Variants in USP36 observed in about 807,000 individuals in gnomAD.
The protein encoded by USP36 is ubiquitin carboxyl-terminal hydrolase 36.
USP36 carries 59 observed loss-of-function variants against 111.5 expected under a neutral mutation model. The ratio of observed to expected loss-of-function variants is 0.53; its 90% CI spans 0.43 to 0.66. The LOEUF (loss-of-function observed/expected upper bound fraction) is 0.66. Among genes scored for constraint, USP36 ranks in the 30% least tolerant of loss-of-function variants. USP36 has a pLI of 0.00. For synonymous variants in USP36, 628 were observed against 581.0 expected, an observed-to-expected ratio of 1.08 and a Z score of -1.16; for missense variants, 1,488 against 1,468.0, an observed-to-expected ratio of 1.01 and a Z score of -0.22.
intron 11 of USP36, 83 bp from the exon 12 acceptor site, chr17:78,813,956 ATC>A: frequency 7.6e-6 from 9 of 1,180,178 alleles, no homozygotes; most frequent in Non-Finnish European, 1.1e-5. Context: ...GGAATAAAAA[ATC>A]TGTTAGTTGC....
intron 9 of USP36, 61 bp downstream of exon 9, chr17:78,819,869 G>T: frequency 6.4e-7 from 1 of 1,555,718 alleles, no homozygotes. Flanking sequence ...AACACTGTCA[G>T]GTGAGGGGAC....
At chr17:78,813,675 C>T (rs2094119289) in intron 12 of USP36, 98 bp downstream of exon 12, 2 of 1,067,882 alleles carry the variant, frequency 1.9e-6, no homozygotes, top group Admixed American at 4.2e-5. Context: ...CAGTGGAATT[C>T]CCAATTACCT....
At chr17:78,791,129 CT>C (rs10522788), downstream of USP36, among the ~76,000 whole-genome samples, 6,303 of 120,966 alleles carry the variant, frequency 0.052, 383 homozygotes, top group African/African-American at 0.17. Flanking sequence ...ATCTGGCCTT[CT>C]TTTTTTTTTT....
chr17:78,790,956 T>C (rs961832845), downstream of USP36, among the ~76,000 whole-genome samples: 8 of 152,090 alleles, frequency 5.3e-5, no homozygotes, highest in African/African-American at 1.9e-4. Flanking sequence ...AATGAAGCAG[T>C]AAGGGAGAAA....
intron 4 of USP36, among the ~76,000 whole-genome samples, chr17:78,832,693 A>C (rs2068256108): frequency 6.6e-6 from 1 of 152,226 alleles, no homozygotes; most frequent in South Asian, 2.1e-4. Context: ...GCAGCTCTAC[A>C]GTGGAAGAGC....
intron 15 of USP36, among the ~76,000 whole-genome samples, chr17:78,804,461 A>G (rs2093838080): frequency 7.2e-6 from 1 of 138,656 alleles, no homozygotes; most frequent in Non-Finnish European, 1.5e-5. Context: ...CTCCGTCTCA[A>G]AAAAAAAAAA....
Position 78,836,224 on chromosome 17 carries a change from T to C in USP36, c.140A>G (p.Lys47Arg). ...LQKIEFEPAS[K>R]SFSYQLEALK... is the part of the protein sequence containing the mutation. ...GGCCTCCAGCTGGTAGGAGAAGCTC[T>C]TGCTGGCTGGCTCGAACTCGATTTT... The change falls in exon 3 of 21, where the codon AAG becomes AGG. Residue 47 changes from lysine (K) to arginine (R), a missense_variant. By Grantham distance (26) the Lys-to-Arg change is conservative. Around this residue, in one of 3 missense-constraint regions of USP36, gnomAD observed 219 missense variants for 209.5 expected, o/e 1.05. Coordinates refer to ENST00000449938, the MANE Select transcript of USP36 (RefSeq NM_001385174.1). 1 of 1,614,202 alleles carries C rather than the reference T, an allele frequency of 6.2e-7. No individual in the cohort carries two copies. The highest frequency in any genetic ancestry group is 8.5e-7 in the Non-Finnish European group (1 of 1,180,040).
At position 78,830,198 on chromosome 17, in the gene USP36, A is replaced by G. The variant is rs554164073; in HGVS notation, c.476-1191T>C. ...CAATTATCGTTCTCATTCATGTATTATCACACACATGTGTATCCATGAACA... is the reference window on the plus strand; with the variant it reads ...CAATTATCGTTCTCATTCATGTATTGTCACACACATGTGTATCCATGAACA... On this transcript the variant is annotated intron_variant, in intron 4 of 20. Transcript: ENST00000449938. Among the ~76,000 whole-genome samples the G allele has an allele frequency of 2.0e-5, 3 of 152,354 alleles. No homozygotes were observed. The South Asian group carries it at 6.2e-4, about 32-fold the overall frequency.
At chr17:78,799,415 T>G (rs932683092) in intron 18 of USP36, among the ~76,000 whole-genome samples, 1 of 152,160 alleles carries the variant, frequency 6.6e-6, no homozygotes, top group Non-Finnish European at 1.5e-5. Context: ...ACAGCATGTG[T>G]GGGGCTCCTC....
At chr17:78,818,526 C>T in intron 10 of USP36, 141 bp downstream of exon 10, 1 of 707,952 alleles carries the variant, frequency 1.4e-6, no homozygotes, top group Non-Finnish European at 2.4e-6. Flanking sequence ...CCCTACTTCA[C>T]AATATGTGTA....
intron 13 of USP36, among the ~76,000 whole-genome samples, chr17:78,811,457 C>T (rs1411874404): frequency 4.6e-5 from 7 of 152,128 alleles, no homozygotes; most frequent in African/African-American, 1.7e-4. Flanking sequence ...TGTTCTTTTA[C>T]CCCAAAATAT....
At chr17:78,839,443 A>G (rs1250412869) in intron 1 of USP36, among the ~76,000 whole-genome samples, 1 of 152,238 alleles carries the variant, frequency 6.6e-6, no homozygotes, top group Non-Finnish European at 1.5e-5. Context: ...AGCCATCTAC[A>G]AAGTGAAGAC....
chr17:78,801,137 T>G (rs1006201961), intron 17 of USP36, among the ~76,000 whole-genome samples: 1 of 151,990 alleles, frequency 6.6e-6, no homozygotes, highest in Non-Finnish European at 1.5e-5. Flanking sequence ...CCACCATGCC[T>G]GGCTAACTTT....
intron 3 of USP36, among the ~76,000 whole-genome samples, chr17:78,789,029 C>T (rs2093559495): frequency 9.6e-6 from 1 of 103,712 alleles, no homozygotes; most frequent in Non-Finnish European, 2.2e-5. Context: ...GAAACTCCGT[C>T]TCTATTAAAA....
At chr17:78,827,662 G>C (rs2067690146) in intron 5 of USP36, among the ~76,000 whole-genome samples, 1 of 152,090 alleles carries the variant, frequency 6.6e-6, no homozygotes, top group Non-Finnish European at 1.5e-5. Context: ...TAACACTTCA[G>C]GAGGCCTGGG....
At chr17:78,827,414 C>G in intron 5 of USP36, 67 bp from the exon 6 acceptor site, 1 of 1,478,474 alleles carries the variant, frequency 6.8e-7, no homozygotes, top group Non-Finnish European at 9.2e-7. Context: ...CGGCTGCTTT[C>G]CTGAATGGCC....
intron 5 of USP36, among the ~76,000 whole-genome samples, chr17:78,828,536 C>T (rs1406364463): frequency 6.6e-6 from 1 of 152,192 alleles, no homozygotes; most frequent in African/African-American, 2.4e-5. Flanking sequence ...CACTAAGAGG[C>T]TTCCCCACTG....
At chr17:78,828,375 T>C (rs1426157368) in intron 5 of USP36, among the ~76,000 whole-genome samples, 1 of 152,206 alleles carries the variant, frequency 6.6e-6, no homozygotes, top group Non-Finnish European at 1.5e-5. Flanking sequence ...TTTTATAGCA[T>C]AGGCAACTGA....
chr17:78,802,916 T>C (rs926863104), intron 16 of USP36, among the ~76,000 whole-genome samples: 3 of 152,132 alleles, frequency 2.0e-5, no homozygotes, highest in African/African-American at 4.8e-5. Flanking sequence ...ATCAATCCAC[T>C]GGTATTTATC....
Sources: gnomAD v4.1 joint callset for allele counts (sites outside exome capture counted in the v4.1 genomes callset) on GRCh38, gnomAD v4.1.1 for gene constraint, gnomAD v4.1.1 regional missense constraint, MANE v1.5 for transcripts, NCBI Gene and HGNC (gene_info 2026-07-23, HGNC 2026-07-21) for gene names.